The following MYH3 variants were observed in gnomAD, a reference collection of about 807,000 sequenced individuals.
MYH3 encodes myosin-3.
MYH3 carries 130 observed loss-of-function variants against 238.0 expected under a neutral mutation model. The observed-to-expected ratio is 0.55, with a 90% CI of 0.47 to 0.63. MYH3 has a LOEUF of 0.63. MYH3 is among the 30% of genes least tolerant of loss of function. The pLI, the probability that MYH3 is intolerant of heterozygous loss-of-function variation, is 0.00. For missense variants in MYH3, 1,853 were observed against 2,374.9 expected (o/e 0.78, Z 4.57); for synonymous variants, 880 against 924.1 (o/e 0.95, Z 0.86).
intron 14 of MYH3, among the ~76,000 whole-genome samples, chr17:10,643,869 T>TACA (rs958894393): frequency 3.3e-5 from 5 of 152,114 alleles, no homozygotes; most frequent in African/African-American, 1.2e-4. Context: ...TTTAAAATAA[T>TACA]ACAAACCCAG....
chr17:10,639,573 G>T lies in MYH3; in HGVS notation c.2912C>A (p.Ala971Asp). The T allele has an allele frequency of 6.2e-7, 1 of 1,614,066 alleles. No individual in the cohort carries two copies. Among genetic ancestry groups the T allele is most frequent in the Non-Finnish European group, 8.5e-7 (1 of 1,180,010 alleles). ...CAATAAGAATACCTTGTTCTCTGTG[G>T]CATGCTTCTCCTTCTCAACCTTGGC... ...TLAKVEKEKH[A>D]TENKVKNLTE... The change falls in exon 23 of 41, where the codon GCC becomes GAC. Residue 971 changes from alanine (A) to aspartate (D), a missense_variant. Transcript: ENST00000583535.
chr17:10,663,497 G>A, the MYH3 span, among the ~76,000 whole-genome samples: 1 of 152,210 alleles, frequency 6.6e-6, no homozygotes, highest in African/African-American at 2.4e-5. Context: ...GGGACAGGAG[G>A]GCCAAAGGCA....
chr17:10,648,724 G>A lies in MYH3; in HGVS notation c.643-75C>T, dbSNP rs922037813. ...GAGTTACACTCTTGTTGCCCAGGCT[G>A]CAGTGCAATGGCACGATCTTGGCTT... is the stretch of plus-strand genomic sequence containing the variant. On this transcript the variant is annotated intron_variant, in intron 7 of 40. Transcript: ENST00000583535. 17 of 1,278,846 alleles carry A rather than the reference G, an allele frequency of 1.3e-5. 1 individual carries two copies. In the South Asian group the frequency reaches 2.0e-4, roughly 15 times the overall value. 79.2% of individuals were successfully genotyped at this position (1,278,846 alleles called of 1,614,324 possible). A position where few individuals can be genotyped will look rare whatever the true frequency, so the allele number is the denominator to read the frequency against.
In MYH3 at chr17:10,638,322, C is replaced by A. The variant is rs142021729; in HGVS notation, c.3450G>T (p.Arg1150=). The change falls in exon 27 of 41, where the codon CGG becomes CGT. Residue 1150 remains arginine, a synonymous_variant. Transcript: ENST00000583535. ...AGGTGACGCCTCCCGCCTCCTCCAG[C>A]CGCTCGCTCAGCTCCTCCAGCTCCC... The part of the protein sequence containing the change: ...YARELEELSE[R]LEEAGGVTST... 2 of 1,612,534 alleles carry A rather than the reference C, an allele frequency of 1.2e-6. No homozygotes were observed. The highest frequency in any genetic ancestry group is 1.7e-6 in the Non-Finnish European group (2 of 1,179,994).
intron 31 of MYH3, 148 bp from the exon 32 acceptor site, chr17:10,634,330 G>T: frequency 1.1e-6 from 1 of 935,066 alleles, no homozygotes; most frequent in South Asian, 1.4e-5. Flanking sequence ...GGCTAATCAA[G>T]ATTCTGTTCC....
In MYH3 at chr17:10,642,846, A is replaced by AG; in HGVS notation, c.1560dup (p.Cys521LeufsTer35). ...GATACCTTCTCGATGAGCTCGATGCAGGCAGCCAGGTCCATCCCGAAGTCA... is the reference window on the plus strand; with the variant it reads ...GATACCTTCTCGATGAGCTCGATGCAGGGCAGCCAGGTCCATCCCGAAGTCA... On this transcript the variant is annotated frameshift_variant, in exon 15 of 41. Transcript: ENST00000583535. LOFTEE classifies it high-confidence loss of function. The surrounding 1 kb of genome is among the most constrained non-coding windows in gnomAD (Gnocchi z 5.4). The AG allele has an allele frequency of 6.2e-7, 1 of 1,614,148 alleles. No homozygotes were observed. Among genetic ancestry groups the AG allele is most frequent in the Non-Finnish European group, 8.5e-7 (1 of 1,180,002 alleles).
At position 10,649,576 on chromosome 17, in the gene MYH3, C is replaced by T. The variant is rs1413208755; in HGVS notation, c.642+1G>A. 6.2e-7 allele frequency: 1 copy of T among 1,611,898 alleles called. No individual in the cohort carries two copies. The highest frequency in any genetic ancestry group is 8.5e-7 in the Non-Finnish European group (1 of 1,177,924). ...AGCAAGCCTTCCTCTCCCATCTATA[C>T]CTTCATTTTGGAGTCCTTCTTCTTG... On this transcript the variant is annotated splice_donor_variant, in intron 7 of 40. Coordinates refer to ENST00000583535, the MANE Select transcript of MYH3 (RefSeq NM_002470.4). LOFTEE classifies it high-confidence loss of function.
chr17:10,655,796 C>G (rs2074423557), intron 2 of MYH3, among the ~76,000 whole-genome samples: 1 of 152,150 alleles, frequency 6.6e-6, no homozygotes, highest in Non-Finnish European at 1.5e-5. Flanking sequence ...GGATTACAGG[C>G]ACTTGCCACC....
At chr17:10,652,037 A>G (rs2285465) in intron 4 of MYH3, 255,917 of 383,666 alleles carry the variant, frequency 0.67, 89,245 homozygotes, top group Non-Finnish European at 0.77. Flanking sequence ...CACCACACCC[A>G]GCTGCCTTTA....
upstream of MYH3, chr17:10,659,133 A>AG (rs1180162501): frequency 6.6e-6 from 1 of 152,196 alleles, no homozygotes; most frequent in African/African-American, 2.4e-5. Flanking sequence ...GAAATGAAAT[A>AG]GGGGGCAATT....
At chr17:10,670,722 A>ATT in the MYH3 span, among the ~76,000 whole-genome samples, 1 of 151,972 alleles carries the variant, frequency 6.6e-6, no homozygotes, top group Non-Finnish European at 1.5e-5. The surrounding 1 kb of genome is among the most constrained non-coding windows in gnomAD (Gnocchi z 7.0). Flanking sequence ...AGGTTTGGGT[A>ATT]TTTTTTGTGC....
intron 12 of MYH3, among the ~76,000 whole-genome samples, chr17:10,644,976 C>T (rs2074306436): frequency 6.6e-6 from 1 of 152,068 alleles, no homozygotes; most frequent in Non-Finnish European, 1.5e-5. Context: ...GTAACAATAG[C>T]TATGGGCATC....
upstream of MYH3, among the ~76,000 whole-genome samples, chr17:10,660,385 A>G (rs996064800): frequency 6.6e-6 from 1 of 152,242 alleles, no homozygotes; most frequent in Admixed American, 6.5e-5. Flanking sequence ...ATATTAAAAA[A>G]TAGTTTCTGG....
chr17:10,659,917 T>G (rs749275263), upstream of MYH3, among the ~76,000 whole-genome samples: 1 of 152,134 alleles, frequency 6.6e-6, no homozygotes, highest in Non-Finnish European at 1.5e-5. Flanking sequence ...TGGAGAGCAG[T>G]TGAAAAGCTG....
chr17:10,630,065 C>G (rs760132566), intron 38 of MYH3, 27 bp downstream of exon 38: 2 of 1,609,452 alleles, frequency 1.2e-6, no homozygotes, highest in South Asian at 2.2e-5. Context: ...ACAGAGGACA[C>G]GATCATGGCG....
intron 31 of MYH3, 127 bp from the exon 32 acceptor site, chr17:10,634,309 G>T: frequency 9.5e-7 from 1 of 1,057,202 alleles, no homozygotes. Flanking sequence ...GCTCCTTGTT[G>T]TCGATTATTG....
chr17:10,653,126 G>C (rs967786619), intron 3 of MYH3, among the ~76,000 whole-genome samples: 1 of 152,166 alleles, frequency 6.6e-6, no homozygotes, highest in Non-Finnish European at 1.5e-5. Context: ...GTGAGAGACG[G>C]ATGTCGGAAA....
chr17:10,628,688 A>T lies in MYH3; in HGVS notation c.5797-9T>A. The T allele has an allele frequency of 6.2e-7, 1 of 1,614,180 alleles. No homozygotes were observed. The highest frequency in any genetic ancestry group is 1.3e-5 in the African/African-American group (1 of 75,052). On this transcript the variant is annotated splice_polypyrimidine_tract_variant and intron_variant, in intron 40 of 40. Coordinates refer to ENST00000583535, the MANE Select transcript of MYH3 (RefSeq NM_002470.4). ...CTCTCGTGGACCACCATCTAGGAAG[A>T]AAGTAGGCACCTGGAGTCAAGTCGG...
intron 26 of MYH3, among the ~76,000 whole-genome samples, 188 bp downstream of exon 26, chr17:10,638,685 G>T (rs1490384609): frequency 6.6e-6 from 1 of 152,114 alleles, no homozygotes; most frequent in Non-Finnish European, 1.5e-5. Context: ...TTTAATTATG[G>T]ATTAAAGTAT....
Sources: allele counts gnomAD v4.1 joint callset (sites outside exome capture counted in the v4.1 genomes callset), GRCh38; gene constraint gnomAD v4.1.1; non-coding constraint Gnocchi (gnomAD v3.1); transcripts MANE v1.5; gene names NCBI Gene and HGNC (gene_info 2026-07-23, HGNC 2026-07-21).